Variants in GLDC observed in about 807,000 individuals in gnomAD.
GLDC encodes glycine dehydrogenase (decarboxylating), mitochondrial.
A neutral mutation model predicts 121.3 loss-of-function variants in GLDC; 104 were observed. The observed-to-expected ratio is 0.86, with a 90% confidence interval of 0.73 to 1.01. The LOEUF is 1.01. GLDC is among the 50% of genes least tolerant of loss of function. The pLI is 0.00. For missense variants in GLDC, 1,429 were observed against 1,306.6 expected, an observed-to-expected ratio of 1.09 and a Z score of -1.44; for synonymous variants, 546 against 480.6, an observed-to-expected ratio of 1.14 and a Z score of -1.78.
At chr9:6,642,146 G>A (rs1409079076) in intron 2 of GLDC, among the ~76,000 whole-genome samples, 1 of 152,186 alleles carries the variant, frequency 6.6e-6, no homozygotes, top group Non-Finnish European at 1.5e-5. Context: ...TTCAGGGAAT[G>A]GGGGGACTTC....
intron 5 of GLDC, 33 bp from the exon 6 acceptor site, chr9:6,605,311 T>C: frequency 6.2e-7 from 1 of 1,610,416 alleles, no homozygotes; most frequent in Non-Finnish European, 8.5e-7. Context: ...ACAATCGTGC[T>C]TTCGGTTTAT....
intron 2 of GLDC, among the ~76,000 whole-genome samples, chr9:6,622,460 T>G (rs1056279740): frequency 6.6e-6 from 1 of 151,390 alleles, no homozygotes; most frequent in African/African-American, 2.4e-5. Flanking sequence ...GCCGGGCTGG[T>G]CTCCAGCTCC....
intron 2 of GLDC, among the ~76,000 whole-genome samples, chr9:6,641,843 C>T (rs907502806): frequency 1.3e-5 from 2 of 152,196 alleles, no homozygotes; most frequent in Non-Finnish European, 2.9e-5. Context: ...CTACAGTTTT[C>T]TCTGTACATG....
At chr9:6,608,862 A>C (rs1218404373) in intron 4 of GLDC, among the ~76,000 whole-genome samples, 2 of 152,218 alleles carry the variant, frequency 1.3e-5, no homozygotes, top group African/African-American at 4.8e-5. Context: ...ATAACCAGAG[A>C]GGTGGGTGGA....
At chr9:6,574,352 A>G (rs552174890) in intron 15 of GLDC, among the ~76,000 whole-genome samples, 2 of 152,134 alleles carry the variant, frequency 1.3e-5, no homozygotes, top group East Asian at 3.9e-4. Flanking sequence ...CTGTAATTCC[A>G]GCTACTTGGG....
At chr9:6,568,960 T>C (rs889599699) in intron 15 of GLDC, 1 of 152,260 alleles carries the variant, frequency 6.6e-6, no homozygotes. Flanking sequence ...AGACAACTTC[T>C]TCCAAAACTC....
At chr9:6,540,432 A>T (rs1401225036) in intron 21 of GLDC, 1 of 423,422 alleles carries the variant, frequency 2.4e-6, no homozygotes, top group African/African-American at 2.0e-5. Context: ...ATTACTGAAC[A>T]TATGACCGGA....
chr9:6,549,729 G>A (rs905885621), intron 21 of GLDC, among the ~76,000 whole-genome samples: 6 of 151,904 alleles, frequency 3.9e-5, no homozygotes, highest in African/African-American at 1.5e-4. Context: ...TCCCTCTACT[G>A]TAAGCCCTAG....
At chr9:6,569,449 C>G (rs1178502153) in intron 15 of GLDC, 1 of 151,568 alleles carries the variant, frequency 6.6e-6, no homozygotes, top group Admixed American at 6.6e-5. Flanking sequence ...GTCAGGAGTT[C>G]GAGACCAGCC....
intron 23 of GLDC, among the ~76,000 whole-genome samples, chr9:6,535,283 T>C (rs555260398): frequency 3.3e-5 from 5 of 151,968 alleles, no homozygotes; most frequent in African/African-American, 1.2e-4. Flanking sequence ...TTTAAAAAAA[T>C]AGCCTAAATC....
At chr9:6,636,311 A>T (rs1819501221) in intron 2 of GLDC, among the ~76,000 whole-genome samples, 1 of 152,066 alleles carries the variant, frequency 6.6e-6, no homozygotes, top group South Asian at 2.1e-4. Flanking sequence ...CTCAAAAAAA[A>T]AAAAAACACT....
intron 16 of GLDC, among the ~76,000 whole-genome samples, chr9:6,559,740 G>A (rs532699119): frequency 2.7e-5 from 4 of 148,196 alleles, no homozygotes; most frequent in South Asian, 2.2e-4. Context: ...GCTTGAATCC[G>A]GGAGGTGGAG....
At chr9:6,561,832 T>C (rs887608717) in intron 16 of GLDC, among the ~76,000 whole-genome samples, 2 of 152,166 alleles carry the variant, frequency 1.3e-5, no homozygotes, top group African/African-American at 4.8e-5. Flanking sequence ...TTTAGACTTG[T>C]TGAATGAGTG....
intron 3 of GLDC, among the ~76,000 whole-genome samples, chr9:6,615,498 C>T (rs1021423134): frequency 1.3e-5 from 2 of 151,128 alleles, no homozygotes; most frequent in African/African-American, 2.4e-5. Context: ...AGGAGGATTA[C>T]GTGAGCCAAG....
intron 16 of GLDC, among the ~76,000 whole-genome samples, chr9:6,562,510 T>G (rs1817778314): frequency 6.6e-6 from 1 of 152,224 alleles, no homozygotes; most frequent in Admixed American, 6.5e-5. Flanking sequence ...CTTCCCTGAT[T>G]AGTGAATACT....
chr9:6,587,371 A>C, intron 14 of GLDC, 88 bp from the exon 15 acceptor site: 1 of 1,011,862 alleles, frequency 9.9e-7, no homozygotes, highest in Non-Finnish European at 1.5e-6. Context: ...ATGATGAGAA[A>C]AGCTATGTGC....
chr9:6,556,215 A>T lies in GLDC; in HGVS notation c.2140T>A (p.Cys714Ser), dbSNP rs762786233. The T allele has an allele frequency of 1.2e-6, 2 of 1,612,782 alleles. No individual in the cohort carries two copies. Among genetic ancestry groups the T allele is most frequent in the Non-Finnish European group, 1.7e-6 (2 of 1,178,750 alleles). The part of the protein sequence containing the change: ...GVFEENISDV[C>S]DLIHQHGGQV... ...CCTCCATGTTGATGGATGAGGTCAC[A>T]CACGTCACTGATGTTCTCTTCAAAC... The change falls in exon 18 of 25, where the codon TGT becomes AGT. Residue 714 changes from cysteine to serine, a missense_variant. Transcript: ENST00000321612.
Position 6,554,688 on chromosome 9 carries a change from C to G in GLDC, c.2296G>C (p.Gly766Arg). The G allele has an allele frequency of 6.2e-7, 1 of 1,611,736 alleles. No homozygotes were observed. Among genetic ancestry groups the G allele is most frequent in the Non-Finnish European group, 8.5e-7 (1 of 1,179,416 alleles). ...ACTTACACTCCGATGGGCCCCATGCCAGGACCACCTCCTCCGTGGGGAATG... is the reference window on the plus strand; with the variant it reads ...ACTTACACTCCGATGGGCCCCATGCGAGGACCACCTCCTCCGTGGGGAATG... Reference protein sequence around the residue: ...FCIPHGGGGPGMGPIGVKKHL... With the variant: ...FCIPHGGGGPRMGPIGVKKHL... The change falls in exon 19 of 25, where the codon GGC becomes CGC. Residue 766 changes from glycine (G) to arginine (R), a missense_variant. Transcript: ENST00000321612.
chr9:6,560,392 T>TA (rs1817728116), intron 16 of GLDC, among the ~76,000 whole-genome samples: 2 of 152,262 alleles, frequency 1.3e-5, no homozygotes, highest in Non-Finnish European at 2.9e-5. Flanking sequence ...TGCACTCTTC[T>TA]ACTGTCAGAA....
Sources: gnomAD v4.1 joint callset for allele counts (sites outside exome capture counted in the v4.1 genomes callset) on GRCh38, gnomAD v4.1.1 for gene constraint, MANE v1.5 for transcripts, NCBI Gene and HGNC (gene_info 2026-07-23, HGNC 2026-07-21) for gene names.